KCNIP4: variants seen among roughly 807,000 people sequenced by gnomAD.
KCNIP4 encodes the protein Kv channel-interacting protein 4.
In KCNIP4, 12 loss-of-function variants were observed where a neutral mutation model predicts 34.0. The observed-to-expected ratio is 0.35, with a 90% CI of 0.23 to 0.57. The LOEUF (loss-of-function observed/expected upper bound fraction) is 0.57, where lower values mean the gene tolerates loss of function less well. Ranked by LOEUF, KCNIP4 falls within the 20% of genes least tolerant of loss-of-function variation. The pLI is 0.83. For missense variants in KCNIP4, 238 were observed against 311.7 expected, an observed-to-expected ratio of 0.76 and a Z score of 1.78; for synonymous variants, 124 against 102.2, an observed-to-expected ratio of 1.21 and a Z score of -1.29.
At chr4:20,780,010 G>T (rs1756731429) in intron 3 of KCNIP4, among the ~76,000 whole-genome samples, 1 of 152,176 alleles carries the variant, frequency 6.6e-6, no homozygotes, top group Admixed American at 6.5e-5. Flanking sequence ...TGTTGCTACA[G>T]CTGCATTAGG....
chr4:20,993,856 G>T (rs1384462778), intron 1 of KCNIP4, among the ~76,000 whole-genome samples: 2 of 152,140 alleles, frequency 1.3e-5, no homozygotes, highest in Non-Finnish European at 2.9e-5. Flanking sequence ...GTGTTGGCAG[G>T]ACCACGTTCC....
intron 1 of KCNIP4, among the ~76,000 whole-genome samples, chr4:21,774,150 G>A (rs1012075032): frequency 1.3e-5 from 2 of 151,960 alleles, no homozygotes; most frequent in African/African-American, 4.8e-5. Context: ...AAATCCCTCA[G>A]CATTTGCTTG....
chr4:20,860,226 G>A (rs796908289), intron 2 of KCNIP4, among the ~76,000 whole-genome samples: 4 of 151,538 alleles, frequency 2.6e-5, no homozygotes, highest in Non-Finnish European at 5.9e-5. Flanking sequence ...TGCAAGCTCC[G>A]CCTCCCAGGT....
chr4:21,211,353 C>A (rs1260149932), intron 1 of KCNIP4, among the ~76,000 whole-genome samples: 2 of 152,138 alleles, frequency 1.3e-5, no homozygotes. Context: ...CTGTTAGGAA[C>A]TGGGATGCAC....
intron 1 of KCNIP4, among the ~76,000 whole-genome samples, chr4:21,680,416 C>T (rs1294248695): frequency 6.6e-6 from 1 of 152,184 alleles, no homozygotes; most frequent in African/African-American, 2.4e-5. Flanking sequence ...CTCAAAGTCA[C>T]CCATGAATGT....
At chr4:21,423,337 A>G (rs1725650690) in intron 1 of KCNIP4, among the ~76,000 whole-genome samples, 1 of 152,242 alleles carries the variant, frequency 6.6e-6, no homozygotes, top group Non-Finnish European at 1.5e-5. Context: ...TTTGAGTTCT[A>G]TTGCTACTAA....
At chr4:20,966,840 C>A (rs1269793539) in intron 1 of KCNIP4, among the ~76,000 whole-genome samples, 2 of 152,232 alleles carry the variant, frequency 1.3e-5, no homozygotes, top group Non-Finnish European at 2.9e-5. Context: ...TGAGTGCTTA[C>A]CATTTAATGA....
chr4:20,843,040 T>C (rs1719938865), intron 3 of KCNIP4, among the ~76,000 whole-genome samples: 1 of 151,850 alleles, frequency 6.6e-6, no homozygotes, highest in Non-Finnish European at 1.5e-5. Context: ...CCCAAGTAGC[T>C]GGGATTTCAG....
intron 1 of KCNIP4, among the ~76,000 whole-genome samples, chr4:21,922,397 G>A (rs1028738378): frequency 2.6e-5 from 4 of 152,090 alleles, no homozygotes; most frequent in African/African-American, 7.2e-5. Flanking sequence ...GTAAGTATCT[G>A]GTGAATTGCA....
At chr4:21,153,386 T>C (rs1419077808) in intron 1 of KCNIP4, among the ~76,000 whole-genome samples, 1 of 151,786 alleles carries the variant, frequency 6.6e-6, no homozygotes, top group South Asian at 2.1e-4. Context: ...ATGAATGACA[T>C]TGAGCACTTT....
chr4:21,216,360 C>T lies in KCNIP4; in HGVS notation c.62-333651G>A, dbSNP rs73802503. The stretch of plus-strand genomic sequence containing the variant: ...CTTTCACTATATGTAATTTTTAAAA[C>T]GTAGTTTAATTCAATATTTCCTAAA... On this transcript the variant is annotated intron_variant, in intron 1 of 8. Coordinates refer to ENST00000382152, the MANE Select transcript of KCNIP4 (RefSeq NM_025221.6). Among the ~76,000 whole-genome samples, 1,372 of 152,222 alleles carry T rather than the reference C, an allele frequency of 9.0e-3. 18 individuals are homozygous for T. The highest frequency in any genetic ancestry group is 0.03 in the African/African-American group (1,264 of 41,530).
intron 1 of KCNIP4, among the ~76,000 whole-genome samples, chr4:21,001,082 T>G (rs187711089): frequency 2.0e-5 from 3 of 152,200 alleles, no homozygotes; most frequent in Non-Finnish European, 1.5e-5. Flanking sequence ...TTCCCAGCAC[T>G]GAGAACAGAT....
intron 1 of KCNIP4, among the ~76,000 whole-genome samples, chr4:21,336,559 TAAATATCAA>T (rs985531628): frequency 2.6e-5 from 4 of 152,180 alleles, no homozygotes; most frequent in African/African-American, 9.6e-5. Context: ...ATTTGATTCT[TAAATATCAA>T]ATTTAACCAA....
At chr4:21,439,055 G>A (rs1320631574) in intron 1 of KCNIP4, among the ~76,000 whole-genome samples, 2 of 151,860 alleles carry the variant, frequency 1.3e-5, no homozygotes. Flanking sequence ...CCAGGTACTC[G>A]GGAGGCTGAG....
chr4:21,548,606 T>A, intron 1 of KCNIP4, among the ~76,000 whole-genome samples: 1 of 151,738 alleles, frequency 6.6e-6, no homozygotes, highest in South Asian at 2.1e-4. Context: ...ATCTACATAA[T>A]CCAATTGAAT....
At chr4:20,941,958 A>T (rs1731685152) in intron 1 of KCNIP4, among the ~76,000 whole-genome samples, 1 of 152,210 alleles carries the variant, frequency 6.6e-6, no homozygotes, top group Admixed American at 6.5e-5. Flanking sequence ...TTGAGGGCCT[A>T]CTATGTGCTA....
At chr4:20,748,869 C>T (rs925362129) in intron 5 of KCNIP4, among the ~76,000 whole-genome samples, 4 of 117,764 alleles carry the variant, frequency 3.4e-5, no homozygotes, top group South Asian at 2.9e-4. Flanking sequence ...ATATGAATTA[C>T]GTGTGTGTGT....
intron 1 of KCNIP4, among the ~76,000 whole-genome samples, chr4:21,862,756 G>A (rs562997843): frequency 2.1e-4 from 32 of 152,242 alleles, no homozygotes; most frequent in East Asian, 1.2e-3. Context: ...GGCAGATCAC[G>A]AGGTCAGGAG....
chr4:20,819,587 G>T (rs183643126), intron 3 of KCNIP4, among the ~76,000 whole-genome samples: 2 of 152,300 alleles, frequency 1.3e-5, no homozygotes, highest in Admixed American at 1.3e-4. Flanking sequence ...ATGATGGGTT[G>T]TTATAGTTTG....
Sources: allele counts gnomAD v4.1 joint callset (sites outside exome capture counted in the v4.1 genomes callset), GRCh38; gene constraint gnomAD v4.1.1; transcripts MANE v1.5; gene names NCBI Gene and HGNC (gene_info 2026-07-23, HGNC 2026-07-21).